Variants in APOL6 observed in about 807,000 individuals in gnomAD.
The protein encoded by APOL6 is apolipoprotein L6.
APOL6 carries 1 observed loss-of-function variant against 2.4 expected under a neutral mutation model. The ratio of observed to expected loss-of-function variants is 0.41; its 90% CI spans 0.15 to 1.94. The LOEUF is 1.94. Ranked by LOEUF, APOL6 falls within the 30% of genes most tolerant of loss-of-function variation. APOL6 has a pLI of 0.30. For synonymous variants in APOL6, 189 were observed against 169.3 expected (o/e 1.12, Z -0.90); for missense variants, 438 against 429.2 (o/e 1.02, Z -0.18).
In APOL6 at chr22:35,656,441, G is replaced by C. The variant is rs767308597; in HGVS notation, c.16G>C (p.Glu6Gln). Residue 6 changes from glutamate (E) to glutamine (Q), a missense_variant, in exon 2 of 3, where the codon GAG becomes CAG. Physicochemically the swap from Glu to Gln is conservative, Grantham distance 29. Transcript: ENST00000409652. MDNQA[E>Q]RESEAGVGLQ... Reference sequence around the variant, plus strand: ...ACAGAGGCTGATGGACAACCAGGCGGAGAGAGAAAGTGAGGCTGGTGTTGG... The same window carrying C: ...ACAGAGGCTGATGGACAACCAGGCGCAGAGAGAAAGTGAGGCTGGTGTTGG... 3.7e-6 allele frequency: 6 copies of C among 1,614,110 alleles called. No homozygotes were observed. The highest frequency in any genetic ancestry group is 1.7e-4 in the Middle Eastern group (1 of 6,060).
intron 2 of APOL6, among the ~76,000 whole-genome samples, chr22:35,657,711 C>G (rs1187074844): frequency 1.3e-5 from 2 of 152,184 alleles, no homozygotes; most frequent in Non-Finnish European, 2.9e-5. Flanking sequence ...CCCTCCAGCT[C>G]TGATGTTCTT....
chr22:35,658,065 T>C (rs948655100), intron 2 of APOL6, among the ~76,000 whole-genome samples: 1 of 152,074 alleles, frequency 6.6e-6, no homozygotes, highest in African/African-American at 2.4e-5. Context: ...CAACTCCTGA[T>C]AGAAGCAAAG....
intron 1 of APOL6, among the ~76,000 whole-genome samples, chr22:35,653,424 C>G (rs546947588): frequency 2.0e-5 from 3 of 152,350 alleles, no homozygotes; most frequent in African/African-American, 7.2e-5. Context: ...GCAAGAACTT[C>G]CAACGCTATG....
Position 35,666,079 on chromosome 22 carries a change from A to T in APOL6, c.*6483A>T, listed in dbSNP as rs1925174376. On this transcript the variant is annotated 3_prime_UTR_variant, in exon 3 of 3. Coordinates refer to ENST00000409652, the MANE Select transcript of APOL6 (RefSeq NM_030641.4). ...AAATATGTTATTGGTGTATGTTCCA[A>T]AATTATGTGAAACTCCTATAATTCT... 1 of 152,120 alleles carries T rather than the reference A, an allele frequency of 6.6e-6. No individual in the cohort carries two copies. Among genetic ancestry groups the T allele is most frequent in the African/African-American group, 2.4e-5 (1 of 41,438 alleles). 9.4% of individuals were successfully genotyped at this position (152,120 alleles called of 1,614,324 possible). A position where few individuals can be genotyped will look rare whatever the true frequency, so the allele number is the denominator to read the frequency against.
chr22:35,651,091 C>T (rs1011338811), intron 1 of APOL6, among the ~76,000 whole-genome samples: 2 of 152,030 alleles, frequency 1.3e-5, no homozygotes, highest in African/African-American at 4.8e-5. Context: ...AGCATTTCTG[C>T]CGTAAGCGCT....
At chr22:35,658,549 C>A in intron 2 of APOL6, 66 bp from the exon 3 acceptor site, 1 of 1,398,742 alleles carries the variant, frequency 7.1e-7, no homozygotes, top group South Asian at 1.4e-5. Flanking sequence ...GCAAGAATAT[C>A]CAAGAGCCAC....
chr22:35,663,410 A>C lies in APOL6; in HGVS notation c.*3814A>C, dbSNP rs942409737. 2 of 151,880 alleles carry C rather than the reference A, an allele frequency of 1.3e-5. No individual in the cohort carries two copies. The highest frequency in any genetic ancestry group is 2.4e-5 in the African/African-American group (1 of 41,328). 9.4% of individuals were successfully genotyped at this position (151,880 alleles called of 1,614,324 possible). On this transcript the variant is annotated 3_prime_UTR_variant, in exon 3 of 3. Transcript: ENST00000409652. The stretch of plus-strand genomic sequence containing the variant: ...AAGTCTGCTTAACTGAAACAGTAAC[A>C]TCCATGATGTGTGTTTTGTGCATGT...
rs555404026 is a variant in APOL6 at position 35,663,162 on chromosome 22, G to A, written c.*3566G>A. On this transcript the variant is annotated 3_prime_UTR_variant, in exon 3 of 3. Transcript: ENST00000409652. ...AATCTGAAGGGGAACCCTAAATTAC[G>A]GGGTCAAGGACTCTGAAGTGGTAGG... 3.9e-5 allele frequency: 6 copies of A among 152,194 alleles called. No homozygotes were observed. In the East Asian group the frequency reaches 7.7e-4, roughly 20 times the overall value. The allele number at this position is 152,194 out of a possible 1,614,324, so 9.4% of individuals were successfully genotyped here.
chr22:35,658,866 C>G lies in APOL6; in HGVS notation c.302C>G (p.Ala101Gly). 6.2e-7 allele frequency: 1 copy of G among 1,614,128 alleles called. No homozygotes were observed. Among genetic ancestry groups the G allele is most frequent in the Non-Finnish European group, 8.5e-7 (1 of 1,180,010 alleles). ...MSLLGLALAP[A>G]TGGGSLLLST... is the part of the protein sequence containing the mutation. ...CTCCTGGGTTTAGCCCTTGCCCCAG[C>G]AACAGGAGGAGGAAGCCTGCTGCTC... The change falls in exon 3 of 3, where the codon GCA becomes GGA. Residue 101 changes from alanine (A) to glycine (G), a missense_variant. Coordinates refer to ENST00000409652, the MANE Select transcript of APOL6 (RefSeq NM_030641.4).
At position 35,650,845 on chromosome 22, in the gene APOL6, G is replaced by A. The variant is rs184087269; in HGVS notation, c.-48+2222G>A. On this transcript the variant is annotated intron_variant, in intron 1 of 2. Coordinates refer to ENST00000409652, the MANE Select transcript of APOL6 (RefSeq NM_030641.4). ...CTTGGTAGGCTGAAGCAGGAGAATC[G>A]CTTGAATCTGGGAGGTGGAGGTTGC... 7.8e-4 allele frequency among the ~76,000 whole-genome samples: 119 copies of A among 152,014 alleles called. 3 individuals are homozygous for A. In the East Asian group the frequency reaches 0.011, roughly 14 times the overall value.
chr22:35,649,437 C>CA (rs11456006), intron 1 of APOL6, among the ~76,000 whole-genome samples: 5,414 of 86,424 alleles, frequency 0.063, 240 homozygotes, highest in East Asian at 0.19. Flanking sequence ...GACCCGGTCT[C>CA]AAAAAAAAAA....
rs923078468 is a variant in APOL6, at chr22:35,666,562, A to G, written c.*6966A>G. On this transcript the variant is annotated 3_prime_UTR_variant, in exon 3 of 3. Coordinates refer to ENST00000409652, the MANE Select transcript of APOL6 (RefSeq NM_030641.4). ...AGTGCTGAAATTACAGATGTGAGCCACACACCTGGCCTATTTTGGTCCTCT... is the reference window on the plus strand; with the variant it reads ...AGTGCTGAAATTACAGATGTGAGCCGCACACCTGGCCTATTTTGGTCCTCT... 3 of 152,168 alleles carry G rather than the reference A, an allele frequency of 2.0e-5. No homozygotes were observed. Among genetic ancestry groups the G allele is most frequent in the Admixed American group, 6.5e-5 (1 of 15,268 alleles). The allele number at this position is 152,168 out of a possible 1,614,324, so 9.4% of individuals were successfully genotyped here. A position where few individuals can be genotyped will look rare whatever the true frequency, so the allele number is the denominator to read the frequency against.
rs1398865137 is a variant in APOL6, at chr22:35,667,030, T to G, written c.*7434T>G. 6.6e-6 allele frequency: 1 copy of G among 152,220 alleles called. No homozygotes were observed. Among genetic ancestry groups the G allele is most frequent in the African/African-American group, 2.4e-5 (1 of 41,454 alleles). 9.4% of individuals were successfully genotyped at this position (152,220 alleles called of 1,614,324 possible). A position where few individuals can be genotyped will look rare whatever the true frequency, so the allele number is the denominator to read the frequency against. On this transcript the variant is annotated 3_prime_UTR_variant, in exon 3 of 3. Transcript: ENST00000409652. Reference sequence around the variant, plus strand: ...AACAGGACACGATTGGAGAAATTGGTTGTTTTACTAAGACTTTGACTGGAA... The same window carrying G: ...AACAGGACACGATTGGAGAAATTGGGTGTTTTACTAAGACTTTGACTGGAA...
chr22:35,650,525 G>C (rs140436152), intron 1 of APOL6, among the ~76,000 whole-genome samples: 71 of 152,292 alleles, frequency 4.7e-4, no homozygotes, highest in African/African-American at 1.6e-3. Context: ...TTTCCATATG[G>C]TGAGCGTAAG....
rs1924846520 is a variant in APOL6, at chr22:35,656,437, G to C, written c.12G>C (p.Gln4His). Residue 4 changes from glutamine (Q) to histidine (H), a missense_variant, in exon 2 of 3, where the codon CAG becomes CAC. Gln to His is a conservative substitution (Grantham distance 24). Coordinates refer to ENST00000409652, the MANE Select transcript of APOL6 (RefSeq NM_030641.4). ...TGCCACAGAGGCTGATGGACAACCA[G>C]GCGGAGAGAGAAAGTGAGGCTGGTG... MDN[Q>H]AERESEAGVG... is the part of the protein sequence containing the mutation. The C allele has an allele frequency of 1.2e-6, 2 of 1,613,962 alleles. No homozygotes were observed. The highest frequency in any genetic ancestry group is 2.2e-5 in the South Asian group (2 of 91,072).
In APOL6 at chr22:35,659,417, C is replaced by T. The variant is rs753348072; in HGVS notation, c.853C>T (p.Leu285Phe). Residue 285 changes from leucine (L) to phenylalanine (F), a missense_variant, in exon 3 of 3, where the codon CTC (leucine) becomes TTC (phenylalanine). Leu to Phe is a conservative substitution (Grantham distance 22). Transcript: ENST00000409652. ...ALELERKLTE[L>F]TQLYKSLQQK... ...GGAGCTGGAGAGGAAACTCACAGAA[C>T]TCACCCAGCTCTACAAGAGCTTGCA... 4.3e-6 allele frequency: 7 copies of T among 1,613,844 alleles called. No individual in the cohort carries two copies. The Admixed American group carries it at 1.2e-4, about 27-fold the overall frequency.
At position 35,659,431 on chromosome 22, in the gene APOL6, C is replaced by T; in HGVS notation, c.867C>T (p.Tyr289=). ...ERKLTELTQL[Y]KSLQQKVRSR... is the part of the protein sequence containing the mutation. Reference sequence around the variant, plus strand: ...AACTCACAGAACTCACCCAGCTCTACAAGAGCTTGCAGCAGAAAGTGAGGT... The same window carrying T: ...AACTCACAGAACTCACCCAGCTCTATAAGAGCTTGCAGCAGAAAGTGAGGT... Residue 289 remains tyrosine (Y), a synonymous_variant, in exon 3 of 3, where the codon TAC becomes TAT. Coordinates refer to ENST00000409652, the MANE Select transcript of APOL6 (RefSeq NM_030641.4). 1.2e-6 allele frequency: 2 copies of T among 1,613,608 alleles called. No homozygotes were observed. The highest frequency in any genetic ancestry group is 1.7e-6 in the Non-Finnish European group (2 of 1,179,942).
intron 2 of APOL6, among the ~76,000 whole-genome samples, chr22:35,657,314 G>A (rs1924872202): frequency 6.6e-6 from 1 of 152,064 alleles, no homozygotes; most frequent in Non-Finnish European, 1.5e-5. Context: ...TGCAAGCCCT[G>A]GTGACCTTCT....
chr22:35,648,625 T>A lies in APOL6; in HGVS notation c.-48+2T>A, dbSNP rs1601863241. 6.6e-6 allele frequency: 1 copy of A among 152,140 alleles called. No individual in the cohort carries two copies. Among genetic ancestry groups the A allele is most frequent in the Admixed American group, 6.6e-5 (1 of 15,266 alleles). The allele number at this position is 152,140 out of a possible 1,614,324, so 9.4% of individuals were successfully genotyped here. On this transcript the variant is annotated splice_donor_variant, in intron 1 of 2. Coordinates refer to ENST00000409652, the MANE Select transcript of APOL6 (RefSeq NM_030641.4). LOFTEE classifies it low-confidence loss of function (5UTR_SPLICE). ...AAAGGAGAGCTCCGTGGAGAGAAGG[T>A]GAGACGGCGGGCAGAAGTCGGGGGA...
Sources: gnomAD v4.1 joint callset for allele counts (sites outside exome capture counted in the v4.1 genomes callset) on GRCh38, gnomAD v4.1.1 for gene constraint, MANE v1.5 for transcripts, NCBI Gene and HGNC (gene_info 2026-07-23, HGNC 2026-07-21) for gene names.